The following NALCN variants were observed in gnomAD, a reference collection of about 807,000 sequenced individuals.
NALCN encodes the protein sodium leak channel, non-selective.
NALCN carries 111 observed loss-of-function variants against 225.3 expected under a neutral mutation model. The ratio of observed to expected loss-of-function variants is 0.49; its 90% CI spans 0.42 to 0.58. The LOEUF (loss-of-function observed/expected upper bound fraction) is 0.58. Ranked by LOEUF, NALCN falls within the 20% of genes least tolerant of loss-of-function variation. NALCN has a pLI of 0.00. For missense variants in NALCN, 1,378 were observed against 2,202.4 expected, an observed-to-expected ratio of 0.63 and a Z score of 7.49; for synonymous variants, 764 against 769.0, an observed-to-expected ratio of 0.99 and a Z score of 0.11.
chr13:101,158,135 A>C (rs2037995926), intron 15 of NALCN, among the ~76,000 whole-genome samples: 1 of 152,074 alleles, frequency 6.6e-6, no homozygotes. Flanking sequence ...AGAAGGTATT[A>C]TCTTAGGAAA....
chr13:101,256,638 T>A (rs1181494389), intron 11 of NALCN, among the ~76,000 whole-genome samples: 1 of 152,204 alleles, frequency 6.6e-6, no homozygotes, highest in Non-Finnish European at 1.5e-5. Flanking sequence ...ATCATCTGGC[T>A]GGATGCAGAC....
At chr13:101,149,935 C>T (rs1270232880) in intron 15 of NALCN, among the ~76,000 whole-genome samples, 6 of 152,226 alleles carry the variant, frequency 3.9e-5, no homozygotes, top group African/African-American at 1.2e-4. Flanking sequence ...ACTGCGTGCA[C>T]ACCCACAAGG....
intron 3 of NALCN, among the ~76,000 whole-genome samples, chr13:101,391,290 G>C (rs970841479): frequency 6.6e-6 from 1 of 152,008 alleles, no homozygotes; most frequent in African/African-American, 2.4e-5. Flanking sequence ...TATTTACACA[G>C]GTCTATGTTA....
intron 1 of NALCN, among the ~76,000 whole-genome samples, chr13:101,412,110 G>A (rs1215415120): frequency 2.0e-5 from 3 of 152,148 alleles, no homozygotes; most frequent in African/African-American, 7.2e-5. Context: ...ATATGTAGAT[G>A]TTGGCTAAGT....
chr13:101,231,905 C>T (rs770302964), intron 12 of NALCN, among the ~76,000 whole-genome samples: 1 of 152,130 alleles, frequency 6.6e-6, no homozygotes, highest in Non-Finnish European at 1.5e-5. Flanking sequence ...ACTCCCCACC[C>T]GTCATGATCC....
In NALCN at chr13:101,080,608, T is replaced by C. The variant is rs1049281100; in HGVS notation, c.3885+919A>G. Among the ~76,000 whole-genome samples the C allele has an allele frequency of 8.9e-3, 1,046 of 117,804 alleles. 9 individuals are homozygous for C. The highest frequency in any genetic ancestry group is 0.016 in the Non-Finnish European group (862 of 53,678). 77.3% of individuals were successfully genotyped at this position (117,804 alleles called of 152,430 possible). On this transcript the variant is annotated intron_variant, in intron 34 of 43. Transcript: ENST00000251127. ...AATTAAATAATTATTAAATTAATTA[T>C]ATAATCAATTAAATTAATTATTTAA...
At chr13:101,241,322 C>G (rs1279155420) in intron 11 of NALCN, among the ~76,000 whole-genome samples, 8 of 152,172 alleles carry the variant, frequency 5.3e-5, no homozygotes, top group African/African-American at 1.7e-4. Flanking sequence ...ATTTGGGTCC[C>G]CCTTAAATCA....
chr13:101,169,038 A>G (rs1195307490), intron 15 of NALCN, among the ~76,000 whole-genome samples: 1 of 152,182 alleles, frequency 6.6e-6, no homozygotes, highest in Non-Finnish European at 1.5e-5. Flanking sequence ...AGTCTGCTTT[A>G]GATGTTTTCT....
rs189282526 is a variant in NALCN at position 101,089,721 on chromosome 13, C to G, written c.3431G>C (p.Cys1144Ser). 6.2e-7 allele frequency: 1 copy of G among 1,614,058 alleles called. No homozygotes were observed. Among genetic ancestry groups the G allele is most frequent in the African/African-American group, 1.3e-5 (1 of 75,034 alleles). The change falls in exon 30 of 44, where the codon TGC becomes TCC. Residue 1144 changes from cysteine (C) to serine (S), a missense_variant. Coordinates refer to ENST00000251127, the MANE Select transcript of NALCN (RefSeq NM_052867.4). The surrounding 1 kb of genome is among the most constrained non-coding windows in gnomAD (Gnocchi z 4.7). ...AACAAAAAGGGTCAGTCCAATCATG[C>G]AACCCAGGAATACAAAAACATGAAT... ...IYIHVFVFLGCMIGLTLFVGV... is the reference protein window; with the variant it reads ...IYIHVFVFLGSMIGLTLFVGV...
chr13:101,122,760 T>G (rs1039051602), intron 18 of NALCN, among the ~76,000 whole-genome samples: 5 of 152,184 alleles, frequency 3.3e-5, no homozygotes, highest in African/African-American at 1.2e-4. Flanking sequence ...TCAGAAAAAG[T>G]CTGGCTTTAT....
At chr13:101,311,268 A>G (rs1436092956) in intron 7 of NALCN, among the ~76,000 whole-genome samples, 1 of 151,604 alleles carries the variant, frequency 6.6e-6, no homozygotes, top group Non-Finnish European at 1.5e-5. Context: ...GGGCTGAGAC[A>G]ATGGGGTTTT....
At chr13:101,248,415 T>G (rs1295005583) in intron 11 of NALCN, among the ~76,000 whole-genome samples, 2 of 152,224 alleles carry the variant, frequency 1.3e-5, no homozygotes, top group African/African-American at 2.4e-5. Context: ...CTCAAGTTCC[T>G]GGGAAGTAGC....
At chr13:101,320,419 G>A (rs530484143) in intron 7 of NALCN, among the ~76,000 whole-genome samples, 49 of 152,190 alleles carry the variant, frequency 3.2e-4, no homozygotes, top group Admixed American at 2.6e-3. Flanking sequence ...AAAATTCTGG[G>A]ACATTTTCCA....
At chr13:101,246,654 T>C (rs2140179276) in intron 11 of NALCN, among the ~76,000 whole-genome samples, 1 of 152,296 alleles carries the variant, frequency 6.6e-6, no homozygotes, top group South Asian at 2.1e-4. Context: ...CAAAAAGTAA[T>C]TGTCAGAAGA....
At chr13:101,309,730 G>A (rs1157523885) in intron 7 of NALCN, among the ~76,000 whole-genome samples, 3 of 152,106 alleles carry the variant, frequency 2.0e-5, no homozygotes, top group Non-Finnish European at 4.4e-5. Context: ...CAAGAATTAA[G>A]CAAGTCTCAT....
chr13:101,149,345 T>C (rs1263433447), intron 15 of NALCN, among the ~76,000 whole-genome samples: 5 of 152,110 alleles, frequency 3.3e-5, no homozygotes, highest in East Asian at 3.9e-4. Context: ...GCAAGTTATA[T>C]TTTATCGAAT....
intron 1 of NALCN, among the ~76,000 whole-genome samples, chr13:101,412,461 G>A (rs939838386): frequency 5.9e-5 from 9 of 152,104 alleles, no homozygotes; most frequent in Non-Finnish European, 8.8e-5. Flanking sequence ...GCCTACCCCT[G>A]CCCCCACCCT....
At chr13:101,198,016 T>C (rs1052517316) in intron 13 of NALCN, among the ~76,000 whole-genome samples, 1 of 152,126 alleles carries the variant, frequency 6.6e-6, no homozygotes, top group Admixed American at 6.6e-5. Flanking sequence ...ATGAGCTGAG[T>C]TCAGTTGTTG....
rs2031482595 is a variant in NALCN at position 101,058,043 on chromosome 13, T to G, written c.4919A>C (p.Gln1640Pro). The G allele has an allele frequency of 6.2e-7, 1 of 1,612,790 alleles. No homozygotes were observed. Among genetic ancestry groups the G allele is most frequent in the East Asian group, 2.2e-5 (1 of 44,892 alleles). The change falls in exon 43 of 44, where the codon CAG becomes CCG. Residue 1640 changes from glutamine to proline, a missense_variant. Around this residue, in one of 19 missense-constraint regions of NALCN, gnomAD observed 145 missense variants for 169.6 expected, o/e 0.85. Transcript: ENST00000251127. ...CGACAGCGTGGGGCTCAGGAGCTGC[T>G]GCTGGCTGCTTGTCTGCATGGGAGG... ...NSMQPETSSQQQLLSPTLSDR... is the reference protein window; with the variant it reads ...NSMQPETSSQPQLLSPTLSDR...
Sources: gnomAD v4.1 joint callset for allele counts (sites outside exome capture counted in the v4.1 genomes callset) on GRCh38, gnomAD v4.1.1 for gene constraint, gnomAD v4.1.1 regional missense constraint, Gnocchi (gnomAD v3.1) non-coding constraint, MANE v1.5 for transcripts, NCBI Gene and HGNC (gene_info 2026-07-23, HGNC 2026-07-21) for gene names.